The following SESTD1 variants were observed in gnomAD, a reference collection of about 807,000 sequenced individuals.
SESTD1 encodes SEC14 and spectrin domain containing 1.
A neutral mutation model predicts 101.7 loss-of-function variants in SESTD1; 43 were observed. That is an observed-to-expected ratio of 0.42 (90% CI 0.33 to 0.55). The LOEUF (loss-of-function observed/expected upper bound fraction) is 0.55, where lower values mean the gene tolerates loss of function less well. Ranked by LOEUF, SESTD1 falls within the 20% of genes least tolerant of loss-of-function variation. The pLI, the probability that SESTD1 is intolerant of heterozygous loss-of-function variation, is 0.07. For missense variants in SESTD1, 647 were observed against 815.1 expected (o/e 0.79, Z 2.51); for synonymous variants, 283 against 286.8 (o/e 0.99, Z 0.13).
intron 5 of SESTD1, among the ~76,000 whole-genome samples, chr2:179,162,990 CAAA>C (rs1219244701): frequency 7.9e-5 from 7 of 88,786 alleles, no homozygotes; most frequent in Admixed American, 1.2e-4. Context: ...GACTCCGTCT[CAAA>C]AAAAAAAAAA....
rs557629598 is a variant in SESTD1 at position 179,178,094 on chromosome 2, T to C, written c.165-1556A>G. Among the ~76,000 whole-genome samples, 5 of 152,304 alleles carry C rather than the reference T, an allele frequency of 3.3e-5. No homozygotes were observed. In the East Asian group the frequency reaches 9.7e-4, roughly 29 times the overall value. On this transcript the variant is annotated intron_variant, in intron 3 of 17. Coordinates refer to ENST00000428443, the MANE Select transcript of SESTD1 (RefSeq NM_178123.5). ...GGGAACACAGTTTATTTTGGGCTGA[T>C]AAAAATGTTCTGAAATTAGATAGCA...
intron 1 of SESTD1, among the ~76,000 whole-genome samples, chr2:179,263,487 G>C (rs1314873634): frequency 6.6e-6 from 1 of 152,182 alleles, no homozygotes. Context: ...AGGATTTTGA[G>C]TGGCAATTTA....
rs1368245010 is a variant in SESTD1, at chr2:179,104,880, A to G, written c.*5019T>C. ...TTGATCTCTAAGTTCTTCATGTTCTAGTACAGGTTCTGCTTTTTCTTGAAG... is the reference window on the plus strand; with the variant it reads ...TTGATCTCTAAGTTCTTCATGTTCTGGTACAGGTTCTGCTTTTTCTTGAAG... On this transcript the variant is annotated 3_prime_UTR_variant, in exon 18 of 18. Coordinates refer to ENST00000428443, the MANE Select transcript of SESTD1 (RefSeq NM_178123.5). The G allele has an allele frequency of 6.6e-6, 1 of 152,134 alleles. No individual in the cohort carries two copies. Among genetic ancestry groups the G allele is most frequent in the African/African-American group, 2.4e-5 (1 of 41,434 alleles). 9.4% of individuals were successfully genotyped at this position (152,134 alleles called of 1,614,324 possible). A position where few individuals can be genotyped will look rare whatever the true frequency, so the allele number is the denominator to read the frequency against.
chr2:179,247,243 C>G (rs1033013464), intron 1 of SESTD1, among the ~76,000 whole-genome samples: 14 of 150,326 alleles, frequency 9.3e-5, no homozygotes, highest in Admixed American at 5.3e-4. Flanking sequence ...TTAATTCCAA[C>G]TTTGTTTACA....
At chr2:179,180,657 G>GTAT (rs2046092802) in intron 3 of SESTD1, among the ~76,000 whole-genome samples, 1 of 152,152 alleles carries the variant, frequency 6.6e-6, no homozygotes, top group Non-Finnish European at 1.5e-5. Flanking sequence ...GGGTGTCACC[G>GTAT]TATAATTCCT....
chr2:179,233,987 A>G (rs1385349767), intron 1 of SESTD1, among the ~76,000 whole-genome samples: 1 of 151,978 alleles, frequency 6.6e-6, no homozygotes, highest in Non-Finnish European at 1.5e-5. Context: ...TTGGTTAAAC[A>G]TTTTCTTGTT....
At chr2:179,134,184 T>C (rs1375492848) in intron 9 of SESTD1, among the ~76,000 whole-genome samples, 2 of 152,136 alleles carry the variant, frequency 1.3e-5, no homozygotes, top group Non-Finnish European at 2.9e-5. Context: ...TCTATTTCCT[T>C]CCATTAATTT....
chr2:179,261,852 A>C lies in SESTD1; in HGVS notation c.-26+2647T>G, dbSNP rs2105564311. ...AGTAAACAGAATTACCATATAACCC[A>C]GCAATTACACATCTAGGTATACATC... On this transcript the variant is annotated intron_variant, in intron 1 of 17. Coordinates refer to ENST00000428443, the MANE Select transcript of SESTD1 (RefSeq NM_178123.5). Among the ~76,000 whole-genome samples the C allele has an allele frequency of 1.3e-5, 2 of 152,296 alleles. 1 individual carries two copies. Among genetic ancestry groups the C allele is most frequent in the South Asian group, 4.1e-4 (2 of 4,822 alleles).
rs913039177 is a variant in SESTD1 at position 179,112,919 on chromosome 2, C to T, written c.1840-74G>A. On this transcript the variant is annotated intron_variant, in intron 16 of 17. Transcript: ENST00000428443. ...GCAGTTTCAGAGGATCACCCCACCCCACAAAAAAAAAGAGAGAAAAGAAAG... is the reference window on the plus strand; with the variant it reads ...GCAGTTTCAGAGGATCACCCCACCCTACAAAAAAAAAGAGAGAAAAGAAAG... The T allele has an allele frequency of 7.5e-6, 11 of 1,469,542 alleles. No individual in the cohort carries two copies. The African/African-American group carries it at 1.6e-4, about 21-fold the overall frequency. The allele number at this position is 1,469,542 out of a possible 1,614,324, so 91.0% of individuals were successfully genotyped here. A position where few individuals can be genotyped will look rare whatever the true frequency, so the allele number is the denominator to read the frequency against.
intron 10 of SESTD1, among the ~76,000 whole-genome samples, chr2:179,131,613 C>T (rs2045015355): frequency 6.6e-6 from 1 of 151,996 alleles, no homozygotes; most frequent in South Asian, 2.1e-4. Context: ...TGAGCTACCC[C>T]GTCCACAAAC....
At chr2:179,223,132 T>C (rs1178154860) in intron 1 of SESTD1, among the ~76,000 whole-genome samples, 3 of 152,036 alleles carry the variant, frequency 2.0e-5, no homozygotes, top group Admixed American at 6.6e-5. Context: ...AACGCTGATA[T>C]ACGATATAAC....
intron 1 of SESTD1, among the ~76,000 whole-genome samples, chr2:179,199,176 C>A (rs1465943015): frequency 6.6e-6 from 1 of 152,028 alleles, no homozygotes; most frequent in Non-Finnish European, 1.5e-5. Flanking sequence ...ACTACAAACA[C>A]CTCTACGCAA....
At chr2:179,255,088 C>G (rs1355163993) in intron 1 of SESTD1, among the ~76,000 whole-genome samples, 1 of 152,184 alleles carries the variant, frequency 6.6e-6, no homozygotes, top group Admixed American at 6.5e-5. Flanking sequence ...TCTGACTGCT[C>G]CGCTGACTGG....
intron 1 of SESTD1, among the ~76,000 whole-genome samples, chr2:179,222,175 A>ATC (rs1398603087): frequency 6.6e-6 from 1 of 152,156 alleles, no homozygotes; most frequent in Admixed American, 6.5e-5. Flanking sequence ...CCCACCAAAG[A>ATC]TCTCTCTACT....
In SESTD1 at chr2:179,212,382, G is replaced by A. The variant is rs751428019; in HGVS notation, c.-25-20516C>T. Among the ~76,000 whole-genome samples the A allele has an allele frequency of 3.1e-4, 42 of 136,428 alleles. 10 individuals are homozygous for A. The highest frequency in any genetic ancestry group is 5.5e-4 in the Non-Finnish European group (35 of 63,108). The allele number at this position is 136,428 out of a possible 152,430, so 89.5% of individuals were successfully genotyped here. ...GTTCAGCAGGTCCCATGCCCACGGAGCTTGCTCACTGCTAGCGCAGCAATC... is the reference window on the plus strand; with the variant it reads ...GTTCAGCAGGTCCCATGCCCACGGAACTTGCTCACTGCTAGCGCAGCAATC... On this transcript the variant is annotated intron_variant, in intron 1 of 17. Transcript: ENST00000428443.
intron 15 of SESTD1, among the ~76,000 whole-genome samples, chr2:179,116,165 G>A (rs776540846): frequency 3.3e-5 from 5 of 151,826 alleles, no homozygotes; most frequent in Non-Finnish European, 7.4e-5. Context: ...TCCCAGCTAC[G>A]CAGGTGGCTG....
chr2:179,240,133 T>G (rs758921487), intron 1 of SESTD1, among the ~76,000 whole-genome samples: 1 of 152,162 alleles, frequency 6.6e-6, no homozygotes, highest in Non-Finnish European at 1.5e-5. Context: ...CAGAATCCTA[T>G]AGAATAGAAT....
At chr2:179,128,747 GAAAA>G (rs1016074033) in intron 10 of SESTD1, among the ~76,000 whole-genome samples, 19 of 129,758 alleles carry the variant, frequency 1.5e-4, no homozygotes, top group African/African-American at 4.8e-4. Context: ...AAAAAGAAAA[GAAAA>G]AAAAAAAAAC....
At chr2:179,222,744 C>CT (rs1160365537) in intron 1 of SESTD1, among the ~76,000 whole-genome samples, 3 of 152,030 alleles carry the variant, frequency 2.0e-5, no homozygotes, top group Non-Finnish European at 4.4e-5. Context: ...TTAGTCTAAC[C>CT]TTTCCATGTT....
Sources: gnomAD v4.1 joint callset for allele counts (sites outside exome capture counted in the v4.1 genomes callset) on GRCh38, gnomAD v4.1.1 for gene constraint, MANE v1.5 for transcripts, NCBI Gene and HGNC (gene_info 2026-07-23, HGNC 2026-07-21) for gene names.